Variants in PACS2 observed in about 807,000 individuals in gnomAD.
PACS2 encodes PACS1-like protein.
In PACS2, 36 loss-of-function variants were observed where a neutral mutation model predicts 113.0. That is an observed-to-expected ratio of 0.32 (90% CI 0.24 to 0.42). PACS2 has a LOEUF of 0.42. PACS2 is among the 10% of genes least tolerant of loss of function. PACS2 has a pLI of 1.00. For synonymous variants in PACS2, 589 were observed against 536.1 expected, an observed-to-expected ratio of 1.10 and a Z score of -1.36; for missense variants, 1,015 against 1,239.5, an observed-to-expected ratio of 0.82 and a Z score of 2.72.
chr14:105,352,997 G>GC (rs2060270143), intron 3 of PACS2, among the ~76,000 whole-genome samples: 2 of 91,616 alleles, frequency 2.2e-5, no homozygotes, highest in Non-Finnish European at 2.2e-5. Flanking sequence ...GGGGTGACGG[G>GC]CCCCCTCATC....
chr14:105,335,912 G>T (rs2059499554), intron 1 of PACS2, among the ~76,000 whole-genome samples: 1 of 152,238 alleles, frequency 6.6e-6, no homozygotes, highest in Non-Finnish European at 1.5e-5. Flanking sequence ...CTCTCTCCAT[G>T]AGGACGGCGG....
upstream of PACS2, among the ~76,000 whole-genome samples, chr14:105,309,917 C>G (rs2058300765): frequency 1.3e-5 from 2 of 151,264 alleles, no homozygotes; most frequent in Non-Finnish European, 2.9e-5. The surrounding 1 kb of genome is among the most constrained non-coding windows in gnomAD (Gnocchi z 4.0). Context: ...TCCCGACTAG[C>G]TGGGACTACA....
intron 5 of PACS2, among the ~76,000 whole-genome samples, chr14:105,367,620 G>A (rs1434642278): frequency 2.0e-5 from 3 of 152,268 alleles, no homozygotes; most frequent in South Asian, 4.1e-4. Context: ...TGAGTCCTGA[G>A]TGTCCTCAAA....
intron 2 of PACS2, among the ~76,000 whole-genome samples, chr14:105,349,897 C>A (rs782500676): frequency 1.4e-5 from 2 of 142,124 alleles, no homozygotes; most frequent in East Asian, 3.9e-4. Context: ...AGCAGGACCC[C>A]GAGAACTTCC....
At position 105,324,478 on chromosome 14, in the gene PACS2, C is replaced by A. The variant is rs919914596; in HGVS notation, c.119+9441C>A. On this transcript the variant is annotated intron_variant, in intron 1 of 24. Transcript: ENST00000447393. This position sits in a 1 kb window ranked among gnomAD's most constrained non-coding sequence, Gnocchi z 4.7. ...TGAGGGCAGCCCTGAGGCCTGTGAG[C>A]TGCTGGCCCCGCAGGGTGGCTGGGC... Among the ~76,000 whole-genome samples the A allele has an allele frequency of 4.6e-5, 7 of 152,216 alleles. No individual in the cohort carries two copies. The highest frequency in any genetic ancestry group is 1.3e-4 in the Admixed American group (2 of 15,284).
chr14:105,349,355 C>T lies in PACS2; in HGVS notation c.207+775C>T, dbSNP rs587693561. On this transcript the variant is annotated intron_variant, in intron 2 of 24. Coordinates refer to ENST00000447393, the MANE Select transcript of PACS2 (RefSeq NM_001100913.3). ...ATACAGGAGTGTCCTTCTGTGTGGC[C>T]GTCCAGCGTGACAGGGTGGGGTCTC... is the stretch of plus-strand genomic sequence containing the variant. Among the ~76,000 whole-genome samples the T allele has an allele frequency of 1.1e-4, 17 of 152,350 alleles. 1 individual carries two copies. Among genetic ancestry groups the T allele is most frequent in the Admixed American group, 9.1e-4 (14 of 15,306 alleles).
intron 6 of PACS2, 91 bp downstream of exon 6, chr14:105,368,238 C>T (rs587764511): frequency 3.0e-5 from 30 of 999,052 alleles, no homozygotes; most frequent in African/African-American, 1.3e-4. Flanking sequence ...ACCAGGGCCT[C>T]GTGAGGGTGG....
intron 19 of PACS2, among the ~76,000 whole-genome samples, chr14:105,386,678 G>C (rs1210842556): frequency 6.6e-6 from 1 of 152,046 alleles, no homozygotes; most frequent in East Asian, 1.9e-4. Flanking sequence ...CCTGACCTCA[G>C]TGCAGGGTAG....
At chr14:105,383,237 C>A (rs1184404748) in intron 15 of PACS2, 122 bp from the exon 16 acceptor site, 3 of 1,124,352 alleles carry the variant, frequency 2.7e-6, no homozygotes, top group Non-Finnish European at 4.0e-6. Flanking sequence ...AGCTCCAGGG[C>A]AGTTGTGGCA....
In PACS2 at chr14:105,357,288, C is replaced by T. The variant is rs2060491248; in HGVS notation, c.423+2111C>T. On this transcript the variant is annotated intron_variant, in intron 4 of 24. Transcript: ENST00000447393. The surrounding 1 kb of genome is among the most constrained non-coding windows in gnomAD (Gnocchi z 5.1). Reference sequence around the variant, plus strand: ...TTCCCCCACCCCAGGTCACACCAGCCACATCGTCTGCTGCTTGAAATCCCA... The same window carrying T: ...TTCCCCCACCCCAGGTCACACCAGCTACATCGTCTGCTGCTTGAAATCCCA... Among the ~76,000 whole-genome samples the T allele has an allele frequency of 6.6e-6, 1 of 152,006 alleles. No homozygotes were observed. The highest frequency in any genetic ancestry group is 2.4e-5 in the African/African-American group (1 of 41,366).
intron 4 of PACS2, among the ~76,000 whole-genome samples, chr14:105,362,367 A>T (rs1384849031): frequency 5.3e-5 from 8 of 150,244 alleles, no homozygotes; most frequent in Non-Finnish European, 1.0e-4. Context: ...CAGTGAGCCG[A>T]GATCGCGCCA....
In PACS2 at chr14:105,357,097, C is replaced by T. The variant is rs906844110; in HGVS notation, c.423+1920C>T. ...TGCTCCGCCCACATCTCTCAGTCTG[C>T]ACCCCAGTGCCCCAGGCGGCTCCTC... On this transcript the variant is annotated intron_variant, in intron 4 of 24. Transcript: ENST00000447393. This position sits in a 1 kb window ranked among gnomAD's most constrained non-coding sequence, Gnocchi z 5.1. Among the ~76,000 whole-genome samples, 1 of 152,162 alleles carries T rather than the reference C, an allele frequency of 6.6e-6. No homozygotes were observed. The highest frequency in any genetic ancestry group is 1.5e-5 in the Non-Finnish European group (1 of 68,006).
At chr14:105,321,940 T>C (rs1308820289) in intron 1 of PACS2, among the ~76,000 whole-genome samples, 1 of 152,036 alleles carries the variant, frequency 6.6e-6, no homozygotes, top group African/African-American at 2.4e-5. Context: ...TCTGACCTTT[T>C]CTGACTTTTT....
At position 105,324,768 on chromosome 14, in the gene PACS2, A is replaced by G. The variant is rs1352737247; in HGVS notation, c.119+9731A>G. Among the ~76,000 whole-genome samples the G allele has an allele frequency of 6.6e-6, 1 of 152,148 alleles. No individual in the cohort carries two copies. Among genetic ancestry groups the G allele is most frequent in the Non-Finnish European group, 1.5e-5 (1 of 67,992 alleles). ...AGGCTCTCCAGGAGCCCCAGGGAGCACTGGCTACTGCTGGGCTGCTCTCAG... is the reference window on the plus strand; with the variant it reads ...AGGCTCTCCAGGAGCCCCAGGGAGCGCTGGCTACTGCTGGGCTGCTCTCAG... On this transcript the variant is annotated intron_variant, in intron 1 of 24. Transcript: ENST00000447393. The surrounding 1 kb of genome is among the most constrained non-coding windows in gnomAD (Gnocchi z 4.7).
chr14:105,372,952 A>G (rs1433123443), intron 8 of PACS2: 1 of 152,206 alleles, frequency 6.6e-6, no homozygotes, highest in Non-Finnish European at 1.5e-5. Flanking sequence ...TGCAAATAAC[A>G]TACCTGGTAA....
upstream of PACS2, among the ~76,000 whole-genome samples, chr14:105,312,113 C>A (rs967217345): frequency 6.6e-6 from 1 of 152,236 alleles, no homozygotes; most frequent in African/African-American, 2.4e-5. Context: ...TCATCTTAGC[C>A]CAGGCTGAGG....
At chr14:105,368,639 C>A in intron 7 of PACS2, 100 bp downstream of exon 7, 1 of 889,894 alleles carries the variant, frequency 1.1e-6, no homozygotes, top group Non-Finnish European at 1.9e-6. Context: ...GAAGTGAGAT[C>A]TCACCCCAGG....
In PACS2 at chr14:105,354,538, G is replaced by A. The variant is rs1202748579; in HGVS notation, c.298-514G>A. ...ATTTGTGAACTCTGAGTGTCTAAGA[G>A]ATACCTGTGAACATCAGCTTGCTGG... On this transcript the variant is annotated intron_variant, in intron 3 of 24. Coordinates refer to ENST00000447393, the MANE Select transcript of PACS2 (RefSeq NM_001100913.3). This position sits in a 1 kb window ranked among gnomAD's most constrained non-coding sequence, Gnocchi z 4.2. 2.0e-5 allele frequency among the ~76,000 whole-genome samples: 3 copies of A among 152,220 alleles called. No homozygotes were observed. Among genetic ancestry groups the A allele is most frequent in the Admixed American group, 1.3e-4 (2 of 15,286 alleles).
chr14:105,377,972 G>A (rs2080845212), intron 9 of PACS2, among the ~76,000 whole-genome samples: 1 of 152,224 alleles, frequency 6.6e-6, no homozygotes, highest in Non-Finnish European at 1.5e-5. Context: ...CGGGATGGGG[G>A]TCTGGCTGCC....
Sources: allele counts gnomAD v4.1 joint callset (sites outside exome capture counted in the v4.1 genomes callset), GRCh38; gene constraint gnomAD v4.1.1; non-coding constraint Gnocchi (gnomAD v3.1); transcripts MANE v1.5; gene names NCBI Gene and HGNC (gene_info 2026-07-23, HGNC 2026-07-21).